Variants in DSCAML1 observed in about 807,000 individuals in gnomAD.
DSCAML1 encodes the protein DS cell adhesion molecule like 1.
A neutral mutation model predicts 200.5 loss-of-function variants in DSCAML1; 38 were observed. The ratio of observed to expected loss-of-function variants is 0.19; its 90% CI spans 0.15 to 0.25. DSCAML1 has a LOEUF of 0.25. DSCAML1 is among the 10% of genes least tolerant of loss of function. The pLI is 1.00. For synonymous variants in DSCAML1, 1,215 were observed against 1,165.0 expected (o/e 1.04, Z -0.87); for missense variants, 2,223 against 2,858.8 (o/e 0.78, Z 5.07).
At chr11:117,689,347 T>C (rs1334025625) in intron 3 of DSCAML1, among the ~76,000 whole-genome samples, 1 of 152,130 alleles carries the variant, frequency 6.6e-6, no homozygotes, top group Non-Finnish European at 1.5e-5. Context: ...GCTGGTCAGG[T>C]CAGAAATGCA....
chr11:117,686,539 G>A (rs955857547), intron 3 of DSCAML1, among the ~76,000 whole-genome samples: 1 of 152,242 alleles, frequency 6.6e-6, no homozygotes, highest in African/African-American at 2.4e-5. Flanking sequence ...AGAGTCCTGG[G>A]CACATGCCCC....
At chr11:117,569,061 C>T (rs868387942) in intron 3 of DSCAML1, among the ~76,000 whole-genome samples, 25 of 152,168 alleles carry the variant, frequency 1.6e-4, no homozygotes, top group East Asian at 1.4e-3. Context: ...TCAGAAATAA[C>T]GCCGCATATC....
At chr11:117,730,734 C>T (rs1301326449) in intron 3 of DSCAML1, among the ~76,000 whole-genome samples, 3 of 152,298 alleles carry the variant, frequency 2.0e-5, no homozygotes, top group Non-Finnish European at 2.9e-5. Flanking sequence ...AACATACACC[C>T]GCACCAACAT....
At chr11:117,694,094 T>TATATATATATACA (rs1555199521) in intron 3 of DSCAML1, among the ~76,000 whole-genome samples, 1 of 118,376 alleles carries the variant, frequency 8.4e-6, no homozygotes. Context: ...TATATATATA[T>TATATATATATACA]TTTTTAAATT....
At position 117,674,052 on chromosome 11, in the gene DSCAML1, A is replaced by G. The variant is rs185098394; in HGVS notation, c.511+102739T>C. ...GTGGTGGGTTTCCCTCGATCCCCGC[A>G]CCTTGCATGCCTTCGGTAGATTCTC... On this transcript the variant is annotated intron_variant, in intron 3 of 32. Transcript: ENST00000651296. Among the ~76,000 whole-genome samples, 183 of 152,262 alleles carry G rather than the reference A, an allele frequency of 1.2e-3. 1 individual carries two copies. Among genetic ancestry groups the G allele is most frequent in the Admixed American group, 3.6e-3 (55 of 15,294 alleles).
intron 8 of DSCAML1, among the ~76,000 whole-genome samples, chr11:117,512,854 T>C (rs1308125020): frequency 6.6e-6 from 1 of 151,366 alleles, no homozygotes; most frequent in Non-Finnish European, 1.5e-5. Context: ...AGAGACACTG[T>C]CGCTCAGCAC....
chr11:117,761,603 G>C (rs2054803458), intron 3 of DSCAML1, among the ~76,000 whole-genome samples: 1 of 152,224 alleles, frequency 6.6e-6, no homozygotes, highest in African/African-American at 2.4e-5. Context: ...GGGCACGGTG[G>C]CTCATGCCAA....
intron 1 of DSCAML1, among the ~76,000 whole-genome samples, chr11:117,808,315 G>A (rs2055726215): frequency 6.6e-6 from 1 of 152,204 alleles, no homozygotes; most frequent in Non-Finnish European, 1.5e-5. Context: ...TGGGCAATCT[G>A]CCGACACATT....
chr11:117,811,255 A>T (rs993360655), intron 1 of DSCAML1, among the ~76,000 whole-genome samples: 2 of 152,094 alleles, frequency 1.3e-5, no homozygotes, highest in African/African-American at 4.8e-5. Context: ...AACCCTGAGA[A>T]GCTTTACAGC....
At chr11:117,486,695 A>C (rs2049074779) in intron 11 of DSCAML1, among the ~76,000 whole-genome samples, 1 of 152,098 alleles carries the variant, frequency 6.6e-6, no homozygotes, top group Non-Finnish European at 1.5e-5. Context: ...TACTGGCTTC[A>C]GGTGTTACTT....
At chr11:117,734,053 T>C (rs1229754109) in intron 3 of DSCAML1, among the ~76,000 whole-genome samples, 1 of 152,146 alleles carries the variant, frequency 6.6e-6, no homozygotes, top group Non-Finnish European at 1.5e-5. Context: ...TCTTGTCTTT[T>C]GGGGGAGCAT....
chr11:117,613,569 G>A (rs1002953271), intron 3 of DSCAML1, among the ~76,000 whole-genome samples: 56 of 152,160 alleles, frequency 3.7e-4, no homozygotes, highest in Non-Finnish European at 7.2e-4. Context: ...TTAAATACTC[G>A]GGGCTGGCTA....
At chr11:117,456,106 T>G (rs2048363710) in intron 19 of DSCAML1, among the ~76,000 whole-genome samples, 2 of 151,672 alleles carry the variant, frequency 1.3e-5, no homozygotes, top group South Asian at 4.2e-4. Context: ...GTTGAGGGGG[T>G]TTCTGGGAAA....
intron 3 of DSCAML1, chr11:117,668,439 G>A (rs2053025500): frequency 6.6e-6 from 1 of 152,246 alleles, no homozygotes; most frequent in Non-Finnish European, 1.5e-5. Flanking sequence ...TCGGCATGAG[G>A]ATATGTAAAG....
intron 14 of DSCAML1, among the ~76,000 whole-genome samples, chr11:117,475,622 A>C (rs80343155): frequency 0.022 from 3,276 of 152,206 alleles, 45 homozygotes; most frequent in Non-Finnish European, 0.034. Flanking sequence ...GGGCACTTAA[A>C]ATGTGCTGTT....
intron 3 of DSCAML1, among the ~76,000 whole-genome samples, chr11:117,600,549 C>T (rs1425681454): frequency 6.6e-6 from 1 of 152,216 alleles, no homozygotes; most frequent in Admixed American, 6.5e-5. Flanking sequence ...CCTCCGCCCA[C>T]ACCACAGGAT....
In DSCAML1 at chr11:117,465,123, C is replaced by G; in HGVS notation, c.3084G>C (p.Glu1028Asp). The G allele has an allele frequency of 6.2e-7, 1 of 1,614,138 alleles. No individual in the cohort carries two copies. The highest frequency in any genetic ancestry group is 1.1e-5 in the South Asian group (1 of 91,082). Reference sequence around the variant, plus strand: ...ACTGCCCGTTGCTGCCGGGGCTGTTCTCTCTGTAGCCAATCTGGTAGCCCC... The same window carrying G: ...ACTGCCCGTTGCTGCCGGGGCTGTTGTCTCTGTAGCCAATCTGGTAGCCCC... ...VIRGYQIGYR[E>D]NSPGSNGQYS... The change falls in exon 17 of 33, where the codon GAG becomes GAC. Residue 1028 changes from glutamate to aspartate, a missense_variant. Physicochemically the swap from Glu to Asp is conservative, Grantham distance 45. Transcript: ENST00000651296.
At chr11:117,738,083 G>A (rs1262496466) in intron 3 of DSCAML1, among the ~76,000 whole-genome samples, 2 of 152,148 alleles carry the variant, frequency 1.3e-5, no homozygotes, top group African/African-American at 2.4e-5. Context: ...CAGAATGTAG[G>A]TTACTCAATA....
intron 3 of DSCAML1, among the ~76,000 whole-genome samples, chr11:117,745,966 G>A (rs1000801395): frequency 2.6e-5 from 4 of 152,040 alleles, no homozygotes; most frequent in African/African-American, 7.2e-5. Flanking sequence ...TGTAATCCCA[G>A]CACTTTGGGA....
Sources: allele counts gnomAD v4.1 joint callset (sites outside exome capture counted in the v4.1 genomes callset), GRCh38; gene constraint gnomAD v4.1.1; transcripts MANE v1.5; gene names NCBI Gene and HGNC (gene_info 2026-07-23, HGNC 2026-07-21).